DPP8: variants seen among roughly 807,000 people sequenced by gnomAD.
DPP8 encodes dipeptidyl peptidase 8.
A neutral mutation model predicts 107.5 loss-of-function variants in DPP8; 31 were observed. The observed-to-expected ratio is 0.29, with a 90% CI of 0.22 to 0.39. DPP8 has a LOEUF of 0.39. Among genes scored for constraint, DPP8 ranks in the 10% least tolerant of loss-of-function variants. The pLI is 1.00. For missense variants in DPP8, 842 were observed against 1,076.1 expected (o/e 0.78, Z 3.04); for synonymous variants, 381 against 356.6 (o/e 1.07, Z -0.77).
intron 2 of DPP8, 76 bp downstream of exon 2, chr15:65,512,219 G>A: frequency 7.2e-7 from 1 of 1,384,278 alleles, no homozygotes; most frequent in Admixed American, 1.9e-5. Flanking sequence ...TCAAACTTTT[G>A]AGTGTCAATT....
chr15:65,504,414 G>A (rs1197244707), intron 3 of DPP8, among the ~76,000 whole-genome samples: 2 of 151,320 alleles, frequency 1.3e-5, no homozygotes, highest in Non-Finnish European at 2.9e-5. Context: ...GCTCACGCTT[G>A]TAATTCCAGC....
intron 12 of DPP8, among the ~76,000 whole-genome samples, chr15:65,470,610 A>AG (rs996485011): frequency 6.6e-6 from 1 of 150,922 alleles, no homozygotes; most frequent in Non-Finnish European, 1.5e-5. Flanking sequence ...TGTCTCAAAA[A>AG]AAAAAAAAAA....
intron 16 of DPP8, among the ~76,000 whole-genome samples, chr15:65,455,147 T>C (rs1307269648): frequency 6.6e-6 from 1 of 152,212 alleles, no homozygotes; most frequent in African/African-American, 2.4e-5. Flanking sequence ...TATCTATTTT[T>C]TTGGAGACAT....
At chr15:65,490,435 C>G in intron 5 of DPP8, 136 bp from the exon 6 acceptor site, 1 of 667,056 alleles carries the variant, frequency 1.5e-6, no homozygotes, top group South Asian at 1.7e-5. Flanking sequence ...GAGTTCAAAT[C>G]TGGGGTCCAT....
chr15:65,505,674 G>C (rs1329192549), intron 3 of DPP8, among the ~76,000 whole-genome samples: 3 of 152,160 alleles, frequency 2.0e-5, no homozygotes, highest in African/African-American at 7.2e-5. Flanking sequence ...GTTGTGGCCA[G>C]GTGCAGTGGC....
chr15:65,498,018 C>T lies in DPP8; in HGVS notation c.561G>A (p.Arg187=). 8 of 1,595,498 alleles carry T rather than the reference C, an allele frequency of 5.0e-6. No homozygotes were observed. The highest frequency in any genetic ancestry group is 6.0e-6 in the Non-Finnish European group (7 of 1,169,708). ...GACAACTAGTTTCCACTAGATTGGG[C>T]CTTAAAGGTTGTTGCTAGAAAAGTA... ...GPQGFTQQPL[R]PNLVETSCPN... is the part of the protein sequence containing the mutation. Residue 187 remains arginine, a synonymous_variant, in exon 5 of 20, where the codon AGG becomes AGA. Coordinates refer to ENST00000300141, the MANE Select transcript of DPP8 (RefSeq NM_130434.5).
chr15:65,497,771 C>A, intron 5 of DPP8, 93 bp downstream of exon 5: 1 of 1,009,232 alleles, frequency 9.9e-7, no homozygotes, highest in Non-Finnish European at 1.4e-6. Context: ...ATAAAGATCA[C>A]CCAACGTGGT....
chr15:65,502,146 C>T (rs2069313265), intron 3 of DPP8, among the ~76,000 whole-genome samples: 1 of 152,216 alleles, frequency 6.6e-6, no homozygotes, highest in African/African-American at 2.4e-5. Flanking sequence ...CCACCTCCGC[C>T]TCCCAGCATT....
intron 16 of DPP8, chr15:65,455,677 A>T (rs1347903923): frequency 8.3e-7 from 1 of 1,200,284 alleles, no homozygotes; most frequent in Non-Finnish European, 1.1e-6. Context: ...ATAAGGTCAA[A>T]GAACTGGCTG....
At position 65,456,382 on chromosome 15, in the gene DPP8, A is replaced by C. The variant is rs2064420088; in HGVS notation, c.1972-11T>G. The C allele has an allele frequency of 6.2e-7, 1 of 1,604,406 alleles. No individual in the cohort carries two copies. Among genetic ancestry groups the C allele is most frequent in the Non-Finnish European group, 8.5e-7 (1 of 1,177,226 alleles). On this transcript the variant is annotated splice_polypyrimidine_tract_variant and intron_variant, in intron 15 of 19. Transcript: ENST00000300141. ...ATTCACCAACTGCACCTGAGGAAGA[A>C]ACACAACTTCAGTTTATCATATGGA...
intron 4 of DPP8, 110 bp from the exon 5 acceptor site, chr15:65,498,142 C>A: frequency 1.2e-6 from 1 of 845,384 alleles, no homozygotes; most frequent in Non-Finnish European, 1.7e-6. Context: ...AACAATGAGG[C>A]CGGGCGTGGT....
intron 19 of DPP8, among the ~76,000 whole-genome samples, chr15:65,448,540 C>G (rs1432884752): frequency 3.3e-5 from 5 of 150,650 alleles, no homozygotes; most frequent in African/African-American, 4.9e-5. Context: ...GGCGTGGTGG[C>G]GGGCACCGGT....
In DPP8 at chr15:65,497,863, C is replaced by T; in HGVS notation, c.715+1G>A. ...AGTAAATCTGAAGAACTACGCCTTACCATTGTGCACATAAGTGAGTCTCCT... is the reference window on the plus strand; with the variant it reads ...AGTAAATCTGAAGAACTACGCCTTATCATTGTGCACATAAGTGAGTCTCCT... On this transcript the variant is annotated splice_donor_variant, in intron 5 of 19. Coordinates refer to ENST00000300141, the MANE Select transcript of DPP8 (RefSeq NM_130434.5). LOFTEE classifies it high-confidence loss of function. The T allele has an allele frequency of 1.3e-6, 2 of 1,499,346 alleles. No individual in the cohort carries two copies. The highest frequency in any genetic ancestry group is 1.8e-6 in the Non-Finnish European group (2 of 1,111,726). 92.9% of individuals were successfully genotyped at this position (1,499,346 alleles called of 1,614,324 possible). A position where few individuals can be genotyped will look rare whatever the true frequency, so the allele number is the denominator to read the frequency against.
chr15:65,478,686 C>T (rs1372984781), intron 11 of DPP8, among the ~76,000 whole-genome samples, 194 bp downstream of exon 11: 5 of 152,156 alleles, frequency 3.3e-5, no homozygotes, highest in East Asian at 3.8e-4. Flanking sequence ...CTTTATAATA[C>T]GTGTCAATCC....
At chr15:65,447,341 T>A (rs150047508) in intron 19 of DPP8, among the ~76,000 whole-genome samples, 24 of 152,314 alleles carry the variant, frequency 1.6e-4, no homozygotes, top group Admixed American at 1.6e-3. Flanking sequence ...CTTTACTTGT[T>A]GTGCCAGCAT....
At chr15:65,505,529 A>G (rs1244135370) in intron 3 of DPP8, among the ~76,000 whole-genome samples, 3 of 152,138 alleles carry the variant, frequency 2.0e-5, no homozygotes, top group Admixed American at 1.3e-4. Flanking sequence ...AGTTTTGCCA[A>G]TTTTTCTGAG....
At chr15:65,506,955 C>A (rs951214851) in intron 3 of DPP8, among the ~76,000 whole-genome samples, 11 of 151,818 alleles carry the variant, frequency 7.2e-5, no homozygotes, top group African/African-American at 2.7e-4. Context: ...TTTATCAGTT[C>A]TTTTCTGTGA....
chr15:65,487,946 T>G (rs1261295728), intron 6 of DPP8, 128 bp from the exon 7 acceptor site: 4 of 671,016 alleles, frequency 6.0e-6, no homozygotes, highest in African/African-American at 5.6e-5. Context: ...TGCTGCCTTT[T>G]TTGTAGGAAA....
At chr15:65,481,685 T>C in intron 8 of DPP8, 70 bp from the exon 9 acceptor site, 1 of 935,376 alleles carries the variant, frequency 1.1e-6, no homozygotes, top group South Asian at 1.8e-5. Flanking sequence ...GCTAGTCTAC[T>C]TTAACAATTT....
Sources: gnomAD v4.1 joint callset for allele counts (sites outside exome capture counted in the v4.1 genomes callset) on GRCh38, gnomAD v4.1.1 for gene constraint, MANE v1.5 for transcripts, NCBI Gene and HGNC (gene_info 2026-07-23, HGNC 2026-07-21) for gene names.